Variants in FBXL22 observed in about 807,000 individuals in gnomAD.
The protein encoded by FBXL22 is F-box and leucine rich repeat protein 22, also known as F-box and leucine-rich protein 22.
Under a neutral mutation model 11.7 loss-of-function variants are expected in FBXL22, and 13 were observed. The ratio of observed to expected loss-of-function variants is 1.11; its 90% confidence interval spans 0.73 to 1.77. The LOEUF (loss-of-function observed/expected upper bound fraction) is 1.77, where lower values mean the gene tolerates loss of function less well. Among genes scored for constraint, FBXL22 ranks in the 40% most tolerant of loss-of-function variants. The pLI, the probability that FBXL22 is intolerant of heterozygous loss-of-function variation, is 0.00. For synonymous variants in FBXL22, 160 were observed against 144.1 expected (o/e 1.11, Z -0.79); for missense variants, 406 against 320.4 (o/e 1.27, Z -2.04).
chr15:63,599,325 G>C, intron 1 of FBXL22: 1 of 1,455,030 alleles, frequency 6.9e-7, no homozygotes, highest in Admixed American at 2.7e-5. Context: ...TTATTCCAAA[G>C]ATTCTTAGAA....
rs774837565 is a variant in FBXL22, at chr15:63,597,589, T to C, written c.197T>C (p.Leu66Pro). ...SLTELQKDNF[L>P]LGPALRSLSI... Reference sequence around the variant, plus strand: ...ACTGAACTCCAGAAGGACAACTTCCTCCTGGGCCCGGCACTCCGCAGCCTC... The same window carrying C: ...ACTGAACTCCAGAAGGACAACTTCCCCCTGGGCCCGGCACTCCGCAGCCTC... Residue 66 changes from leucine (L) to proline (P), a missense_variant, in exon 1 of 2, where the codon CTC becomes CCC. By Grantham distance (98) the Leu-to-Pro change is moderately conservative (BLOSUM62 -3). Transcript: ENST00000638704. The surrounding 1 kb of genome is among the most constrained non-coding windows in gnomAD (Gnocchi z 4.3). 5 of 1,614,084 alleles carry C rather than the reference T, an allele frequency of 3.1e-6. No individual in the cohort carries two copies. The highest frequency in any genetic ancestry group is 4.2e-6 in the Non-Finnish European group (5 of 1,180,030).
At chr15:63,605,620 G>A (rs750544552), downstream of FBXL22, among the ~76,000 whole-genome samples, 8 of 152,272 alleles carry the variant, frequency 5.3e-5, no homozygotes, top group Non-Finnish European at 8.8e-5. Context: ...CAGGGAAGGG[G>A]TGAGCCAGGG....
At chr15:63,600,447 C>G (rs1595795903) in intron 1 of FBXL22, 2 of 1,210,652 alleles carry the variant, frequency 1.7e-6, no homozygotes, top group South Asian at 8.6e-5. Flanking sequence ...GGGCTTCCCA[C>G]TAGGGGCTCC....
chr15:63,600,973 G>A lies in FBXL22; in HGVS notation c.630G>A (p.Met210Ile). Residue 210 changes from methionine (M) to isoleucine (I), a missense_variant, in exon 2 of 2, where the codon ATG becomes ATA. By Grantham distance (10) the Met-to-Ile change is conservative (BLOSUM62 1). Transcript: ENST00000638704. ...TGCGGGCAGAGCACAGCGCCGCCATGCTGCCCGACCAGCCCCCGCGCCCGC... is the reference window on the plus strand; with the variant it reads ...TGCGGGCAGAGCACAGCGCCGCCATACTGCCCGACCAGCCCCCGCGCCCGC... Reference protein sequence around the residue: ...LALRAEHSAAMLPDQPPRPRA... With the variant: ...LALRAEHSAAILPDQPPRPRA... The A allele has an allele frequency of 8.4e-7, 1 of 1,194,052 alleles. No individual in the cohort carries two copies. The highest frequency in any genetic ancestry group is 1.0e-6 in the Non-Finnish European group (1 of 964,146). The allele number at this position is 1,194,052 out of a possible 1,614,324, so 74.0% of individuals were successfully genotyped here.
downstream of FBXL22, among the ~76,000 whole-genome samples, chr15:63,604,886 C>T (rs972000732): frequency 1.3e-5 from 2 of 152,088 alleles, no homozygotes; most frequent in African/African-American, 4.8e-5. Flanking sequence ...GAAAAACTCT[C>T]TTCTAAAATA....
chr15:63,605,329 T>C (rs2067407928), downstream of FBXL22, among the ~76,000 whole-genome samples: 1 of 152,122 alleles, frequency 6.6e-6, no homozygotes, highest in East Asian at 1.9e-4. Flanking sequence ...TGAGCCTCCG[T>C]TTCTTTATTT....
chr15:63,605,324 C>G (rs2067407882), downstream of FBXL22, among the ~76,000 whole-genome samples: 1 of 152,132 alleles, frequency 6.6e-6, no homozygotes, highest in Non-Finnish European at 1.5e-5. Context: ...CTCTCTGAGC[C>G]TCCGTTTCTT....
Position 63,597,673 on chromosome 15 carries a change from G to A in FBXL22, c.281G>A (p.Ser94Asn), listed in dbSNP as rs141933743. The A allele has an allele frequency of 2.6e-5, 41 of 1,604,742 alleles. No individual in the cohort carries two copies. The highest frequency in any genetic ancestry group is 3.2e-5 in the Non-Finnish European group (38 of 1,173,520). ...TGCAGCATTGAGGACTGGCTCAAGA[G>A]TGCCTTCCAGAGAAGCATCTGCAGC... ...QVCSIEDWLK[S>N]AFQRSICSRH... The change falls in exon 1 of 2, where the codon AGT becomes AAT. Residue 94 changes from serine to asparagine, a missense_variant. Transcript: ENST00000638704. This position sits in a 1 kb window ranked among gnomAD's most constrained non-coding sequence, Gnocchi z 4.3.
At chr15:63,601,506 T>C, downstream of FBXL22, 1 of 1,549,700 alleles carries the variant, frequency 6.5e-7, no homozygotes, top group Non-Finnish European at 8.7e-7. Flanking sequence ...CCCCGCCGGC[T>C]CCCGGAGTGT....
chr15:63,607,309 T>C (rs1011679931), downstream of FBXL22, among the ~76,000 whole-genome samples: 1 of 152,220 alleles, frequency 6.6e-6, no homozygotes, highest in Non-Finnish European at 1.5e-5. Context: ...CCTCCCAAAG[T>C]GCTGGGATTA....
chr15:63,605,678 G>C (rs57952863), downstream of FBXL22, among the ~76,000 whole-genome samples: 3 of 152,238 alleles, frequency 2.0e-5, no homozygotes, highest in Non-Finnish European at 2.9e-5. Flanking sequence ...AATGGTTTGG[G>C]ATTATCTATG....
downstream of FBXL22, chr15:63,602,423 A>G (rs952086154): frequency 1.3e-5 from 2 of 151,850 alleles, no homozygotes; most frequent in African/African-American, 4.8e-5. Flanking sequence ...CTGTACTAAA[A>G]AAAAATACAA....
Position 63,599,938 on chromosome 15 carries a change from G to A in FBXL22, c.354-759G>A, listed in dbSNP as rs1489121584. 5.1e-6 allele frequency: 5 copies of A among 985,500 alleles called. No individual in the cohort carries two copies. The African/African-American group carries it at 8.7e-5, about 17-fold the overall frequency. 61.0% of individuals were successfully genotyped at this position (985,500 alleles called of 1,614,324 possible). The stretch of plus-strand genomic sequence containing the variant: ...GGAAATGAAGGCTCCGTGAGTGACT[G>A]ACACGGCGATAAACCAAGTCTAACT... On this transcript the variant is annotated intron_variant, in intron 1 of 1. Coordinates refer to ENST00000638704, the MANE Select transcript of FBXL22 (RefSeq NM_001367807.1).
chr15:63,599,908 G>A (rs2067339236), intron 1 of FBXL22: 2 of 985,480 alleles, frequency 2.0e-6, no homozygotes, highest in South Asian at 9.4e-5. Flanking sequence ...TTCCCCCCAC[G>A]CAGAGGAAAT....
chr15:63,600,886 C>A lies in FBXL22; in HGVS notation c.543C>A (p.Phe181Leu). ...GRALQTLHVD[F>L]CRNVSAAGLR... ...CGCTGCAGACATTGCACGTGGACTT[C>A]TGCCGCAACGTGAGCGCGGCCGGCC... The change falls in exon 2 of 2, where the codon TTC (phenylalanine) becomes TTA (leucine). Residue 181 changes from phenylalanine to leucine, a missense_variant. By Grantham distance (22) the Phe-to-Leu change is conservative. Transcript: ENST00000638704. 8.2e-7 allele frequency: 1 copy of A among 1,226,284 alleles called. No individual in the cohort carries two copies. The allele number at this position is 1,226,284 out of a possible 1,614,324, so 76.0% of individuals were successfully genotyped here.
At chr15:63,602,081 C>T, downstream of FBXL22, 1 of 185,024 alleles carries the variant, frequency 5.4e-6, no homozygotes, top group Non-Finnish European at 1.1e-5. Flanking sequence ...GCTGTTCACA[C>T]TCCGGCTCCA....
In FBXL22 at chr15:63,597,587, C is replaced by T. The variant is rs763386687; in HGVS notation, c.195C>T (p.Phe65=). Residue 65 remains phenylalanine (F), a synonymous_variant, in exon 1 of 2, where the codon TTC becomes TTT. Transcript: ENST00000638704. This position sits in a 1 kb window ranked among gnomAD's most constrained non-coding sequence, Gnocchi z 4.3. ...TCACTGAACTCCAGAAGGACAACTT[C>T]CTCCTGGGCCCGGCACTCCGCAGCC... ...RSLTELQKDN[F]LLGPALRSLS... 6.8e-6 allele frequency: 11 copies of T among 1,613,992 alleles called. No homozygotes were observed. The Admixed American group carries it at 1.5e-4, about 22-fold the overall frequency.
At chr15:63,603,585 C>T (rs909632821), downstream of FBXL22, among the ~76,000 whole-genome samples, 8 of 152,214 alleles carry the variant, frequency 5.3e-5, no homozygotes, top group African/African-American at 1.9e-4. Context: ...ACCAGGGCGC[C>T]ATGCACAGAT....
the FBXL22 span, among the ~76,000 whole-genome samples, chr15:63,607,963 G>A: frequency 6.6e-6 from 1 of 152,240 alleles, no homozygotes; most frequent in East Asian, 1.9e-4. Context: ...GGCTAGCTGA[G>A]TTTGAGCACC....
Sources: allele counts gnomAD v4.1 joint callset (sites outside exome capture counted in the v4.1 genomes callset), GRCh38; gene constraint gnomAD v4.1.1; non-coding constraint Gnocchi (gnomAD v3.1); transcripts MANE v1.5; gene names NCBI Gene and HGNC (gene_info 2026-07-23, HGNC 2026-07-21).